Variants in IYD observed in about 807,000 individuals in gnomAD.
The protein encoded by IYD is iodotyrosine deiodinase 1.
Under a neutral mutation model 28.4 loss-of-function variants are expected in IYD, and 25 were observed. The ratio of observed to expected loss-of-function variants is 0.88; its 90% CI spans 0.64 to 1.23. The LOEUF (loss-of-function observed/expected upper bound fraction) is 1.23, where lower values mean the gene tolerates loss of function less well. IYD is among the 50% of genes most tolerant of loss of function. The pLI is 0.00. For missense variants in IYD, 352 were observed against 357.9 expected, an observed-to-expected ratio of 0.98 and a Z score of 0.13; for synonymous variants, 140 against 130.8, an observed-to-expected ratio of 1.07 and a Z score of -0.48.
chr6:150,395,524 A>C (rs1423264574), intron 4 of IYD: 8 of 1,537,358 alleles, frequency 5.2e-6, no homozygotes, highest in Middle Eastern at 3.3e-4. Context: ...TCCTGGAAGA[A>C]GCAGCGAAGC....
rs1554234000 is a variant in IYD at position 150,404,323 on chromosome 6, T to C, written c.*6086T>C. 1 of 152,254 alleles carries C rather than the reference T, an allele frequency of 6.6e-6. No individual in the cohort carries two copies. The highest frequency in any genetic ancestry group is 1.5e-5 in the Non-Finnish European group (1 of 68,044). The allele number at this position is 152,254 out of a possible 1,614,324, so 9.4% of individuals were successfully genotyped here. On this transcript the variant is annotated 3_prime_UTR_variant, in exon 5 of 5. Coordinates refer to ENST00000344419, the MANE Select transcript of IYD (RefSeq NM_203395.3). ...ATCTTGTGTATGCTCCTTAAGTGAT[T>C]TGAATCTTTAAAAAGCTTATGATTC... is the stretch of plus-strand genomic sequence containing the variant.
intron 4 of IYD, among the ~76,000 whole-genome samples, chr6:150,394,768 GT>G (rs1270968326): frequency 6.6e-6 from 1 of 152,208 alleles, no homozygotes; most frequent in Non-Finnish European, 1.5e-5. Context: ...TTGCTGTATA[GT>G]TTTCAAACTA....
chr6:150,370,445 G>A, intron 1 of IYD: 2 of 974,478 alleles, frequency 2.1e-6, no homozygotes, highest in South Asian at 4.7e-5. Flanking sequence ...GAGAGAGTGT[G>A]TGCATGAGTG....
intron 1 of IYD, among the ~76,000 whole-genome samples, chr6:150,374,640 G>T (rs915411475): frequency 1.3e-5 from 2 of 152,128 alleles, no homozygotes; most frequent in Non-Finnish European, 2.9e-5. Flanking sequence ...GGGGGAAACT[G>T]CCCCCATGAT....
chr6:150,400,330 C>A lies in IYD; in HGVS notation c.*2093C>A, dbSNP rs1778472976. The A allele has an allele frequency of 6.6e-6, 1 of 152,204 alleles. No individual in the cohort carries two copies. The highest frequency in any genetic ancestry group is 2.4e-5 in the African/African-American group (1 of 41,444). 9.4% of individuals were successfully genotyped at this position (152,204 alleles called of 1,614,324 possible). ...CCCCATGGTTCTCACTCTTTGCAGG[C>A]ACTCTTCAAATTTTTATTTTAAAAA... On this transcript the variant is annotated 3_prime_UTR_variant, in exon 5 of 5. Transcript: ENST00000344419.
At chr6:150,396,176 T>C (rs1178459944) in intron 4 of IYD, 2 of 289,152 alleles carry the variant, frequency 6.9e-6, no homozygotes, top group Non-Finnish European at 1.3e-5. Context: ...AAGTCATAGA[T>C]ATTGCTAACA....
intron 1 of IYD, among the ~76,000 whole-genome samples, chr6:150,375,564 G>C (rs112208734): frequency 6.6e-6 from 1 of 152,154 alleles, no homozygotes; most frequent in African/African-American, 2.4e-5. Flanking sequence ...GGATGCAAAC[G>C]GTCAGTATCT....
chr6:150,376,921 C>T (rs1391961304), intron 1 of IYD, among the ~76,000 whole-genome samples: 2 of 152,142 alleles, frequency 1.3e-5, no homozygotes, highest in Non-Finnish European at 2.9e-5. Flanking sequence ...TGGGCACATC[C>T]TAATTACATT....
rs891697364 is a variant in IYD, at chr6:150,404,883, C to G, written c.*6646C>G. 1 of 152,158 alleles carries G rather than the reference C, an allele frequency of 6.6e-6. No individual in the cohort carries two copies. Among genetic ancestry groups the G allele is most frequent in the Non-Finnish European group, 1.5e-5 (1 of 68,030 alleles). The allele number at this position is 152,158 out of a possible 1,614,324, so 9.4% of individuals were successfully genotyped here. ...CTGGAGGTAGATATTAGATGCTGGT[C>G]TATTGCTTCAATGAAGTTAGTGCCA... On this transcript the variant is annotated 3_prime_UTR_variant, in exon 5 of 5. Coordinates refer to ENST00000344419, the MANE Select transcript of IYD (RefSeq NM_203395.3).
rs1778499020 is a variant in IYD at position 150,401,137 on chromosome 6, T to A, written c.*2900T>A. On this transcript the variant is annotated 3_prime_UTR_variant, in exon 5 of 5. Coordinates refer to ENST00000344419, the MANE Select transcript of IYD (RefSeq NM_203395.3). ...TATACTCTTATTTTAAATTTATATTTGAACACAGTCAAATCTGAATGGAAA... is the reference window on the plus strand; with the variant it reads ...TATACTCTTATTTTAAATTTATATTAGAACACAGTCAAATCTGAATGGAAA... 6.6e-6 allele frequency: 1 copy of A among 152,244 alleles called. No homozygotes were observed. The highest frequency in any genetic ancestry group is 1.5e-5 in the Non-Finnish European group (1 of 68,038). The allele number at this position is 152,244 out of a possible 1,614,324, so 9.4% of individuals were successfully genotyped here.
chr6:150,396,984 A>C (rs12214529), intron 4 of IYD: 8,179 of 152,364 alleles, frequency 0.054, 261 homozygotes, highest in Middle Eastern at 0.082. Flanking sequence ...GACAGAAAGA[A>C]GAAATCAGTT....
In IYD at chr6:150,403,401, C is replaced by T. The variant is rs900399924; in HGVS notation, c.*5164C>T. ...TCTGCTGCTACTGTGCCTCCCTTCT[C>T]CTGCCCCACTCAGCCCACAAAATAG... On this transcript the variant is annotated 3_prime_UTR_variant, in exon 5 of 5. Transcript: ENST00000344419. The T allele has an allele frequency of 4.6e-5, 7 of 152,224 alleles. No individual in the cohort carries two copies. The highest frequency in any genetic ancestry group is 1.7e-4 in the African/African-American group (7 of 41,442). The allele number at this position is 152,224 out of a possible 1,614,324, so 9.4% of individuals were successfully genotyped here.
chr6:150,378,959 G>A (rs679249), intron 1 of IYD, among the ~76,000 whole-genome samples: 62,681 of 152,034 alleles, frequency 0.41, 14,528 homozygotes, highest in Non-Finnish European at 0.54. Context: ...TCCTGGTCAT[G>A]CTCATCGCTT....
At chr6:150,377,859 AG>A (rs1440537748) in intron 1 of IYD, among the ~76,000 whole-genome samples, 2 of 152,204 alleles carry the variant, frequency 1.3e-5, no homozygotes, top group Non-Finnish European at 2.9e-5. Context: ...ACCTTGATAA[AG>A]TTCAGAGTTG....
intron 1 of IYD, among the ~76,000 whole-genome samples, chr6:150,375,904 C>T (rs1326458001): frequency 1.3e-5 from 2 of 152,112 alleles, no homozygotes; most frequent in South Asian, 4.2e-4. Flanking sequence ...TCCTTGGTTT[C>T]TTGATTAGAA....
chr6:150,379,374 T>C (rs779076282), intron 1 of IYD, among the ~76,000 whole-genome samples: 3 of 152,218 alleles, frequency 2.0e-5, no homozygotes, highest in Non-Finnish European at 2.9e-5. Flanking sequence ...GATCTGCGTT[T>C]TTCACATTGT....
At chr6:150,370,179 G>C (rs527675968) in intron 1 of IYD, among the ~76,000 whole-genome samples, 1 of 152,062 alleles carries the variant, frequency 6.6e-6, no homozygotes, top group African/African-American at 2.4e-5. Flanking sequence ...GAGTGTATGT[G>C]TGTGAGAGTG....
chr6:150,395,460 T>A (rs1315809193), intron 4 of IYD: 3 of 1,537,184 alleles, frequency 2.0e-6, no homozygotes, highest in Non-Finnish European at 2.6e-6. Flanking sequence ...AGCAGGTAAA[T>A]AATGGAATCA....
chr6:150,375,200 G>T (rs1777402441), intron 1 of IYD, among the ~76,000 whole-genome samples: 1 of 152,180 alleles, frequency 6.6e-6, no homozygotes, highest in East Asian at 1.9e-4. Context: ...TAATCATAAG[G>T]CTGCTGAATG....
Sources: allele counts gnomAD v4.1 joint callset (sites outside exome capture counted in the v4.1 genomes callset), GRCh38; gene constraint gnomAD v4.1.1; transcripts MANE v1.5; gene names NCBI Gene and HGNC (gene_info 2026-07-23, HGNC 2026-07-21).